GPC5: variants seen among roughly 807,000 people sequenced by gnomAD.
GPC5 encodes glypican-5.
GPC5 carries 47 observed loss-of-function variants against 53.9 expected under a neutral mutation model. The ratio of observed to expected loss-of-function variants is 0.87; its 90% CI spans 0.69 to 1.11. GPC5 has a LOEUF of 1.11. Ranked by LOEUF, GPC5 falls within the 50% of genes most tolerant of loss-of-function variation. The probability of loss-of-function intolerance (pLI) is 0.00; values close to 1 mark genes in which losing one functional copy is unlikely to be tolerated. For missense variants in GPC5, 748 were observed against 713.1 expected (o/e 1.05, Z -0.56); for synonymous variants, 286 against 263.3 (o/e 1.09, Z -0.84).
intron 7 of GPC5, among the ~76,000 whole-genome samples, chr13:92,666,437 G>A (rs1886567756): frequency 6.6e-6 from 1 of 151,974 alleles, no homozygotes. Flanking sequence ...TGTTTCTGCT[G>A]GCTTTTCATA....
At chr13:92,386,721 C>T (rs1874743926) in intron 7 of GPC5, among the ~76,000 whole-genome samples, 1 of 151,972 alleles carries the variant, frequency 6.6e-6, no homozygotes, top group Non-Finnish European at 1.5e-5. Flanking sequence ...TATTTCATAA[C>T]AGGATATTGA....
intron 2 of GPC5, among the ~76,000 whole-genome samples, chr13:91,537,544 A>C (rs947506604): frequency 1.3e-5 from 2 of 152,202 alleles, no homozygotes; most frequent in Non-Finnish European, 2.9e-5. Flanking sequence ...AAGTCCCATA[A>C]AGAAAAGTGT....
intron 7 of GPC5, among the ~76,000 whole-genome samples, chr13:92,699,168 G>A (rs1887652016): frequency 6.6e-6 from 1 of 152,130 alleles, no homozygotes; most frequent in Non-Finnish European, 1.5e-5. Flanking sequence ...GGGTGTATAT[G>A]TCCAGGAACT....
chr13:92,244,332 T>C (rs886396392), intron 7 of GPC5, among the ~76,000 whole-genome samples: 1 of 152,212 alleles, frequency 6.6e-6, no homozygotes, highest in Non-Finnish European at 1.5e-5. Context: ...TTATATGATA[T>C]TACGACATTT....
At chr13:92,380,477 G>A (rs915641575) in intron 7 of GPC5, among the ~76,000 whole-genome samples, 4 of 151,986 alleles carry the variant, frequency 2.6e-5, no homozygotes, top group African/African-American at 7.3e-5. Context: ...TAGAATACAG[G>A]CGCATTGTTT....
chr13:92,243,110 G>A (rs568976757), intron 7 of GPC5, among the ~76,000 whole-genome samples: 3 of 152,034 alleles, frequency 2.0e-5, no homozygotes, highest in Non-Finnish European at 4.4e-5. Flanking sequence ...AATGATCCTC[G>A]CTACAAGCCT....
intron 6 of GPC5, among the ~76,000 whole-genome samples, chr13:91,951,152 AT>A (rs1325232775): frequency 1.3e-5 from 2 of 152,124 alleles, no homozygotes; most frequent in Non-Finnish European, 1.5e-5. Context: ...CTTATTAAAT[AT>A]TTACTGAAGA....
chr13:92,718,895 CAAAAA>C (rs113129932), intron 7 of GPC5, among the ~76,000 whole-genome samples: 1 of 102,938 alleles, frequency 9.7e-6, no homozygotes. Flanking sequence ...CGTCCCCCCA[CAAAAA>C]AAAAAAAAAA....
intron 7 of GPC5, among the ~76,000 whole-genome samples, chr13:92,685,466 G>A (rs1329733273): frequency 1.3e-5 from 2 of 150,280 alleles, no homozygotes; most frequent in African/African-American, 4.9e-5. Flanking sequence ...TTTGTAATAA[G>A]TTCTGATGTC....
intron 7 of GPC5, among the ~76,000 whole-genome samples, chr13:92,330,561 T>C (rs1423713293): frequency 6.6e-6 from 1 of 152,168 alleles, no homozygotes; most frequent in African/African-American, 2.4e-5. Flanking sequence ...ATTGTTTCCC[T>C]GACCTGGCAA....
chr13:91,577,784 T>A (rs951220453), intron 2 of GPC5, among the ~76,000 whole-genome samples: 8 of 152,210 alleles, frequency 5.3e-5, no homozygotes, highest in African/African-American at 1.9e-4. Context: ...ATTCCTTGTC[T>A]TTTTCATAGT....
At chr13:92,183,972 C>A (rs189600084) in intron 7 of GPC5, among the ~76,000 whole-genome samples, 2 of 151,950 alleles carry the variant, frequency 1.3e-5, no homozygotes, top group African/African-American at 4.8e-5. Flanking sequence ...TAAATTATAT[C>A]ATATTTTTAA....
At chr13:92,044,827 A>T (rs7327753) in intron 6 of GPC5, among the ~76,000 whole-genome samples, 65,563 of 151,914 alleles carry the variant, frequency 0.43, 14,535 homozygotes, top group Admixed American at 0.51. Context: ...TTTAATAGAA[A>T]TTTTTCTTTG....
chr13:92,482,151 G>A (rs1040438493), intron 7 of GPC5, among the ~76,000 whole-genome samples: 3 of 151,840 alleles, frequency 2.0e-5, no homozygotes, highest in African/African-American at 4.8e-5. Context: ...AATTCCTGAT[G>A]TTGGGTGCGT....
At chr13:91,564,167 A>G (rs959355644) in intron 2 of GPC5, among the ~76,000 whole-genome samples, 8 of 152,156 alleles carry the variant, frequency 5.3e-5, no homozygotes, top group Admixed American at 5.2e-4. Context: ...TTATCTTTGA[A>G]TGAATTTGGC....
At chr13:92,017,000 A>G (rs1170362180) in intron 6 of GPC5, among the ~76,000 whole-genome samples, 1 of 152,102 alleles carries the variant, frequency 6.6e-6, no homozygotes, top group African/African-American at 2.4e-5. Flanking sequence ...TTTTGACAAG[A>G]CTTTAGCAGA....
At chr13:92,226,715 C>T (rs993229227) in intron 7 of GPC5, among the ~76,000 whole-genome samples, 1 of 151,842 alleles carries the variant, frequency 6.6e-6, no homozygotes, top group Non-Finnish European at 1.5e-5. Flanking sequence ...TCTCCTTCCC[C>T]AGTCTCCCGA....
At chr13:91,613,508 C>T (rs1305444266) in intron 2 of GPC5, among the ~76,000 whole-genome samples, 3 of 152,112 alleles carry the variant, frequency 2.0e-5, no homozygotes, top group Non-Finnish European at 2.9e-5. Context: ...ACAGCAAAAC[C>T]ATATCACAGA....
At chr13:91,945,314 C>T (rs1200619917) in intron 6 of GPC5, among the ~76,000 whole-genome samples, 1 of 151,906 alleles carries the variant, frequency 6.6e-6, no homozygotes, top group Non-Finnish European at 1.5e-5. Flanking sequence ...TTTTTAAATC[C>T]CATTTCTTTC....
Sources: gnomAD v4.1 joint callset for allele counts (sites outside exome capture counted in the v4.1 genomes callset) on GRCh38, gnomAD v4.1.1 for gene constraint, MANE v1.5 for transcripts, NCBI Gene and HGNC (gene_info 2026-07-23, HGNC 2026-07-21) for gene names.